Variants in TGFBR3 observed in about 807,000 individuals in gnomAD.
TGFBR3 encodes the protein transforming growth factor beta receptor 3.
Under a neutral mutation model 87.9 loss-of-function variants are expected in TGFBR3, and 46 were observed. The ratio of observed to expected loss-of-function variants is 0.52; its 90% CI spans 0.41 to 0.67. TGFBR3 has a LOEUF of 0.67. Ranked by LOEUF, TGFBR3 falls within the 30% of genes least tolerant of loss-of-function variation. The probability of loss-of-function intolerance (pLI) is 0.00; values close to 1 mark genes in which losing one functional copy is unlikely to be tolerated. For missense variants in TGFBR3, 866 were observed against 1,041.9 expected (o/e 0.83, Z 2.32); for synonymous variants, 381 against 391.6 (o/e 0.97, Z 0.32).
chr1:91,881,395 A>G (rs1679069150), intron 1 of TGFBR3, among the ~76,000 whole-genome samples: 1 of 152,216 alleles, frequency 6.6e-6, no homozygotes, highest in Non-Finnish European at 1.5e-5. Flanking sequence ...CAATGGAACA[A>G]CACTTTCCTT....
At chr1:91,821,759 C>G (rs1186564841) in intron 2 of TGFBR3, among the ~76,000 whole-genome samples, 1 of 152,202 alleles carries the variant, frequency 6.6e-6, no homozygotes, top group African/African-American at 2.4e-5. Context: ...TCTGTCTATA[C>G]CATCTGAAAC....
intron 2 of TGFBR3, among the ~76,000 whole-genome samples, chr1:91,806,088 T>TA (rs1302302490): frequency 5.3e-5 from 8 of 152,218 alleles, no homozygotes; most frequent in Non-Finnish European, 1.0e-4. Flanking sequence ...TTGGTTGACT[T>TA]AAAAGACTTC....
chr1:91,753,773 T>C (rs1361711139), intron 4 of TGFBR3, among the ~76,000 whole-genome samples: 2 of 152,252 alleles, frequency 1.3e-5, no homozygotes, highest in African/African-American at 2.4e-5. Context: ...TGTTGTGGTA[T>C]GTATCAGAAC....
intron 2 of TGFBR3, among the ~76,000 whole-genome samples, chr1:91,897,720 A>G (rs958135463): frequency 6.6e-6 from 1 of 152,236 alleles, no homozygotes; most frequent in African/African-American, 2.4e-5. Context: ...TGCACAACAT[A>G]CCAAATCCAG....
intron 16 of TGFBR3, among the ~76,000 whole-genome samples, chr1:91,684,670 A>T (rs1199487363): frequency 1.3e-5 from 2 of 152,182 alleles, no homozygotes; most frequent in East Asian, 3.9e-4. Context: ...AGTCACACAC[A>T]TGGTTTGCAT....
rs1485960048 is a variant in TGFBR3, at chr1:91,864,201, G to A, written c.-113-2557C>T. 6 of 152,212 alleles carry A rather than the reference G, an allele frequency of 3.9e-5. No individual in the cohort carries two copies. In the South Asian group the frequency reaches 6.2e-4, roughly 16 times the overall value. 9.4% of individuals were successfully genotyped at this position (152,212 alleles called of 1,614,324 possible). ...TTGTGGGAATATTTAATGAGCTTGC[G>A]TCACCCTGCCCACAGCTGCAGTGGG... On this transcript the variant is annotated intron_variant, in intron 1 of 16. Transcript: ENST00000212355.
At position 91,814,581 on chromosome 1, in the gene TGFBR3, T is replaced by C. The variant is rs950543166; in HGVS notation, c.62-17110A>G. 6.6e-5 allele frequency among the ~76,000 whole-genome samples: 10 copies of C among 151,974 alleles called. No individual in the cohort carries two copies. The East Asian group carries it at 1.9e-3, about 29-fold the overall frequency. ...GCACAACTGACAACCACAAGACAAA[T>C]CTCAACACCAGGGACAAATTAATAT... On this transcript the variant is annotated intron_variant, in intron 2 of 16. Transcript: ENST00000212355.
chr1:91,777,765 G>A (rs1464675632), intron 3 of TGFBR3, among the ~76,000 whole-genome samples: 1 of 152,162 alleles, frequency 6.6e-6, no homozygotes, highest in Admixed American at 6.5e-5. Flanking sequence ...TTCTGTTACA[G>A]GTGTTGCTCT....
upstream of TGFBR3, chr1:91,886,192 A>T: frequency 2.2e-6 from 1 of 453,388 alleles, no homozygotes; most frequent in Non-Finnish European, 4.4e-6. Context: ...CCTCCCTCGC[A>T]CACACGCGGG....
At chr1:91,881,943 G>A (rs1183679131) in intron 1 of TGFBR3, among the ~76,000 whole-genome samples, 6 of 151,830 alleles carry the variant, frequency 4.0e-5, no homozygotes, top group African/African-American at 1.5e-4. Context: ...GGAGGCTGAG[G>A]CAGGAGAATC....
chr1:91,707,176 A>T (rs1156577539), intron 14 of TGFBR3, among the ~76,000 whole-genome samples: 1 of 152,210 alleles, frequency 6.6e-6, no homozygotes, highest in East Asian at 1.9e-4. Flanking sequence ...AAACCCAAAG[A>T]GCTGGTGGTA....
intron 2 of TGFBR3, among the ~76,000 whole-genome samples, chr1:91,807,080 A>G (rs906928736): frequency 6.6e-6 from 1 of 152,240 alleles, no homozygotes; most frequent in African/African-American, 2.4e-5. Flanking sequence ...CCTGACGTGT[A>G]CATAACATAT....
chr1:91,818,119 G>T, intron 2 of TGFBR3, among the ~76,000 whole-genome samples: 1 of 150,482 alleles, frequency 6.6e-6, no homozygotes. Context: ...CTTCCTACGC[G>T]TGTCCTCACA....
At chr1:91,712,607 GGACCATATGCCAAGACAGCCCTTCAGAT>G in intron 12 of TGFBR3, 65 bp from the exon 13 acceptor site, 1 of 1,510,344 alleles carries the variant, frequency 6.6e-7, no homozygotes, top group Non-Finnish European at 9.2e-7. Context: ...TTAGGCACAA[GGACCATATGCCAAGACAGCCCTTCAGAT>G]GACACGCTGC....
intron 5 of TGFBR3, among the ~76,000 whole-genome samples, chr1:91,734,149 G>C (rs1393686653): frequency 6.6e-6 from 1 of 152,020 alleles, no homozygotes; most frequent in Non-Finnish European, 1.5e-5. Context: ...TTTAAAAAAG[G>C]CTTTCAAAAC....
intron 8 of TGFBR3, among the ~76,000 whole-genome samples, chr1:91,721,394 G>T (rs903419750): frequency 1.4e-4 from 21 of 152,248 alleles, no homozygotes; most frequent in Admixed American, 3.9e-4. Flanking sequence ...TTATTCTATT[G>T]GCATTTCACT....
At chr1:91,853,259 C>A (rs1446760236) in intron 2 of TGFBR3, among the ~76,000 whole-genome samples, 35 of 76,576 alleles carry the variant, frequency 4.6e-4, no homozygotes, top group African/African-American at 7.8e-4. Flanking sequence ...TGAGGGTTGG[C>A]AAAAAAAAAA....
Position 91,734,819 on chromosome 1 carries a change from G to A in TGFBR3, c.525C>T (p.Thr175=), listed in dbSNP as rs376528004. 82 of 1,614,054 alleles carry A rather than the reference G, an allele frequency of 5.1e-5. No homozygotes were observed. Among genetic ancestry groups the A allele is most frequent in the Admixed American group, 4.5e-4 (27 of 60,000 alleles). ...AAATGTTTCTTGCTATCTTGAGTTC[G>A]GTGAATGAAGTAACTGCTCCATACT... ...RKEYGAVTSF[T]ELKIARNIYI... The change falls in exon 5 of 17, where the codon ACC becomes ACT. Residue 175 remains threonine (T), a synonymous_variant. Coordinates refer to ENST00000212355, the MANE Select transcript of TGFBR3 (RefSeq NM_003243.5).
At chr1:91,868,288 A>G (rs1678454513) in intron 1 of TGFBR3, among the ~76,000 whole-genome samples, 1 of 152,228 alleles carries the variant, frequency 6.6e-6, no homozygotes, top group African/African-American at 2.4e-5. Context: ...AGACTTCCAA[A>G]AAGAAAATAA....
Sources: allele counts gnomAD v4.1 joint callset (sites outside exome capture counted in the v4.1 genomes callset), GRCh38; gene constraint gnomAD v4.1.1; transcripts MANE v1.5; gene names NCBI Gene and HGNC (gene_info 2026-07-23, HGNC 2026-07-21).